BOP1: variants seen among roughly 807,000 people sequenced by gnomAD.
BOP1 encodes the protein BOP1 ribosomal biogenesis factor.
A neutral mutation model predicts 82.9 loss-of-function variants in BOP1; 54 were observed. That is an observed-to-expected ratio of 0.65 (90% CI 0.52 to 0.82). The LOEUF (loss-of-function observed/expected upper bound fraction) is 0.82, where lower values mean the gene tolerates loss of function less well. Ranked by LOEUF, BOP1 falls within the 40% of genes least tolerant of loss-of-function variation. The pLI is 0.00. For missense variants in BOP1, 1,170 were observed against 1,072.0 expected (o/e 1.09, Z -1.28); for synonymous variants, 566 against 451.1 (o/e 1.25, Z -3.23).
chr8:144,263,964 G>A lies in BOP1; in HGVS notation c.1140+17C>T. On this transcript the variant is annotated intron_variant, in intron 8 of 15. Transcript: ENST00000569669. ...TTGCCCCCTGTGCCACCCCCCTGGTGTGCCACCCCCACACACCCTCATCTT... is the reference window on the plus strand; with the variant it reads ...TTGCCCCCTGTGCCACCCCCCTGGTATGCCACCCCCACACACCCTCATCTT... 1.9e-6 allele frequency: 3 copies of A among 1,611,054 alleles called. No homozygotes were observed. Among genetic ancestry groups the A allele is most frequent in the Non-Finnish European group, 2.5e-6 (3 of 1,179,636 alleles).
chr8:144,279,563 T>C (rs1554838686), intron 2 of BOP1, among the ~76,000 whole-genome samples: 7 of 152,186 alleles, frequency 4.6e-5, no homozygotes, highest in African/African-American at 1.4e-4. Context: ...GGAATGAGGT[T>C]CTGGGGAGCG....
At chr8:144,284,918 A>G (rs1015017141) in intron 2 of BOP1, among the ~76,000 whole-genome samples, 3 of 152,196 alleles carry the variant, frequency 2.0e-5, no homozygotes, top group African/African-American at 7.2e-5. Context: ...AGCCCTTGGC[A>G]GGTCGCCAGG....
intron 2 of BOP1, among the ~76,000 whole-genome samples, chr8:144,286,876 A>C (rs1814894258): frequency 6.6e-6 from 1 of 152,248 alleles, no homozygotes; most frequent in African/African-American, 2.4e-5. Context: ...CAGGACAAGC[A>C]CACACTCAGC....
At position 144,262,432 on chromosome 8, in the gene BOP1, T is replaced by C; in HGVS notation, c.2051A>G (p.Asp684Gly). 1 of 1,612,690 alleles carries C rather than the reference T, an allele frequency of 6.2e-7. No homozygotes were observed. Among genetic ancestry groups the C allele is most frequent in the Non-Finnish European group, 8.5e-7 (1 of 1,179,814 alleles). ...GCCATGGCAGACGATGACACTGCCG[T>C]CGTCCGAGCCTGACGCAAAGAGTGG... The part of the protein sequence containing the change: ...RYPLFASGSD[D>G]GSVIVCHGMV... The change falls in exon 15 of 16, where the codon GAC becomes GGC. Residue 684 changes from aspartate to glycine, a missense_variant. Physicochemically the swap from Asp to Gly is moderately conservative, Grantham distance 94. Transcript: ENST00000569669.
At chr8:144,265,618 G>A (rs1413951853) in intron 3 of BOP1, 3 of 165,576 alleles carry the variant, frequency 1.8e-5, no homozygotes, top group African/African-American at 2.4e-5. Context: ...CGCCACCCTC[G>A]CTCCTTCCAG....
intron 2 of BOP1, among the ~76,000 whole-genome samples, chr8:144,277,779 C>A (rs1845590213): frequency 1.7e-5 from 1 of 60,088 alleles, no homozygotes; most frequent in African/African-American, 3.4e-5. Flanking sequence ...CAGCCAGGCC[C>A]AGCGCCCGAA....
intron 2 of BOP1, among the ~76,000 whole-genome samples, chr8:144,277,693 G>C (rs1464181897): frequency 6.6e-6 from 1 of 152,198 alleles, no homozygotes; most frequent in Non-Finnish European, 1.5e-5. Flanking sequence ...GCCTTCGAAG[G>C]TGCTGGGTTC....
intron 3 of BOP1, among the ~76,000 whole-genome samples, chr8:144,268,723 G>GA (rs1564597039): frequency 0.01 from 1,553 of 152,314 alleles, 29 homozygotes; most frequent in African/African-American, 0.036. Context: ...AGCCACGCCG[G>GA]GAGAGAGGGT....
chr8:144,268,638 G>A (rs1845436938), intron 3 of BOP1, among the ~76,000 whole-genome samples: 1 of 152,136 alleles, frequency 6.6e-6, no homozygotes, highest in Non-Finnish European at 1.5e-5. Context: ...ACCCCTCCCT[G>A]GGCTGAGGCG....
intron 3 of BOP1, among the ~76,000 whole-genome samples, chr8:144,275,311 G>T (rs1208628807): frequency 2.6e-5 from 4 of 152,166 alleles, no homozygotes; most frequent in Non-Finnish European, 5.9e-5. Context: ...ACTGAGGAGG[G>T]TATAGGCAGG....
chr8:144,277,250 G>GT (rs1845581722), intron 2 of BOP1, among the ~76,000 whole-genome samples: 2 of 151,340 alleles, frequency 1.3e-5, no homozygotes, highest in African/African-American at 4.9e-5. Context: ...GGGAGACTAA[G>GT]TTTTTTCCCA....
intron 3 of BOP1, among the ~76,000 whole-genome samples, chr8:144,272,933 A>G (rs1845514347): frequency 6.6e-6 from 1 of 151,962 alleles, no homozygotes; most frequent in African/African-American, 2.4e-5. Context: ...TTCCCTCCTC[A>G]GTGGAAAGGG....
At chr8:144,289,803 G>C (rs1470943046) in intron 1 of BOP1, among the ~76,000 whole-genome samples, 1 of 152,202 alleles carries the variant, frequency 6.6e-6, no homozygotes, top group South Asian at 2.1e-4. Flanking sequence ...TCCCCAAAGG[G>C]CTTTTACCAC....
Position 144,291,201 on chromosome 8 carries a change from G to C in BOP1, c.99+71C>G. On this transcript the variant is annotated intron_variant, in intron 1 of 15. Coordinates refer to ENST00000569669, the MANE Select transcript of BOP1 (RefSeq NM_015201.5). This position sits in a 1 kb window ranked among gnomAD's most constrained non-coding sequence, Gnocchi z 4.1. ...CAGGTGACAGAAGCCGGGCCCACCC[G>C]CCCCAGCGCGGCCACGTGCCCGCCG... 1 of 1,288,044 alleles carries C rather than the reference G, an allele frequency of 7.8e-7. No individual in the cohort carries two copies. The highest frequency in any genetic ancestry group is 9.9e-7 in the Non-Finnish European group (1 of 1,010,158). The allele number at this position is 1,288,044 out of a possible 1,614,324, so 79.8% of individuals were successfully genotyped here. A position where few individuals can be genotyped will look rare whatever the true frequency, so the allele number is the denominator to read the frequency against.
intron 3 of BOP1, among the ~76,000 whole-genome samples, chr8:144,275,536 G>A (rs1410616241): frequency 8.1e-6 from 1 of 123,178 alleles, no homozygotes; most frequent in Non-Finnish European, 1.8e-5. Context: ...GCCTCTCCAC[G>A]CTGGTGGAGC....
chr8:144,267,104 C>T lies in BOP1; in HGVS notation c.391-2033G>A, dbSNP rs1201716107. On this transcript the variant is annotated intron_variant, in intron 3 of 15. Coordinates refer to ENST00000569669, the MANE Select transcript of BOP1 (RefSeq NM_015201.5). Reference sequence around the variant, plus strand: ...GGCAGCCCCCCGCCGCCGCCCCCGCCGCCTCCCGCCCGCGACGGCGAGAAC... The same window carrying T: ...GGCAGCCCCCCGCCGCCGCCCCCGCTGCCTCCCGCCCGCGACGGCGAGAAC... 1.9e-5 allele frequency: 27 copies of T among 1,446,264 alleles called. No individual in the cohort carries two copies. The African/African-American group carries it at 3.3e-4, about 17-fold the overall frequency. 89.6% of individuals were successfully genotyped at this position (1,446,264 alleles called of 1,614,324 possible).
In BOP1 at chr8:144,263,972, C is replaced by T; in HGVS notation, c.1140+9G>A. 1.2e-6 allele frequency: 2 copies of T among 1,610,828 alleles called. No homozygotes were observed. Among genetic ancestry groups the T allele is most frequent in the Non-Finnish European group, 1.7e-6 (2 of 1,179,686 alleles). On this transcript the variant is annotated intron_variant, in intron 8 of 15. Coordinates refer to ENST00000569669, the MANE Select transcript of BOP1 (RefSeq NM_015201.5). ...TGTGCCACCCCCCTGGTGTGCCACC[C>T]CCACACACCCTCATCTTGCGCTGCC...
Position 144,291,209 on chromosome 8 carries a change from G to A in BOP1, c.99+63C>T. 7.5e-7 allele frequency: 1 copy of A among 1,328,578 alleles called. No homozygotes were observed. The highest frequency in any genetic ancestry group is 1.7e-5 in the South Asian group (1 of 60,038). 82.3% of individuals were successfully genotyped at this position (1,328,578 alleles called of 1,614,324 possible). A position where few individuals can be genotyped will look rare whatever the true frequency, so the allele number is the denominator to read the frequency against. On this transcript the variant is annotated intron_variant, in intron 1 of 15. Coordinates refer to ENST00000569669, the MANE Select transcript of BOP1 (RefSeq NM_015201.5). The surrounding 1 kb of genome is among the most constrained non-coding windows in gnomAD (Gnocchi z 4.1). Reference sequence around the variant, plus strand: ...AGAAGCCGGGCCCACCCGCCCCAGCGCGGCCACGTGCCCGCCGGGCCCTCT... The same window carrying A: ...AGAAGCCGGGCCCACCCGCCCCAGCACGGCCACGTGCCCGCCGGGCCCTCT...
At chr8:144,270,733 G>T (rs945005842) in intron 3 of BOP1, among the ~76,000 whole-genome samples, 6 of 152,240 alleles carry the variant, frequency 3.9e-5, no homozygotes, top group African/African-American at 1.4e-4. Context: ...CGAGTGGCAG[G>T]TGCTCCCTGC....
Sources: allele counts gnomAD v4.1 joint callset (sites outside exome capture counted in the v4.1 genomes callset), GRCh38; gene constraint gnomAD v4.1.1; non-coding constraint Gnocchi (gnomAD v3.1); transcripts MANE v1.5; gene names NCBI Gene and HGNC (gene_info 2026-07-23, HGNC 2026-07-21).